Variants in TRPS1 observed in about 807,000 individuals in gnomAD.
TRPS1 encodes transcriptional repressor GATA binding 1, also known as zinc finger transcription factor Trps1.
TRPS1 carries 6 observed loss-of-function variants against 101.2 expected under a neutral mutation model. That is an observed-to-expected ratio of 0.06 (90% confidence interval 0.03 to 0.12). The LOEUF (loss-of-function observed/expected upper bound fraction) is 0.12, where lower values mean the gene tolerates loss of function less well. Among genes scored for constraint, TRPS1 ranks in the 10% least tolerant of loss-of-function variants. TRPS1 has a pLI of 1.00. For synonymous variants in TRPS1, 578 were observed against 589.8 expected (o/e 0.98, Z 0.29); for missense variants, 1,363 against 1,567.0 (o/e 0.87, Z 2.20).
intron 5 of TRPS1, among the ~76,000 whole-genome samples, chr8:115,559,791 G>A (rs1299025752): frequency 6.6e-6 from 1 of 152,064 alleles, no homozygotes; most frequent in African/African-American, 2.4e-5. Context: ...CCCTTGAAAT[G>A]CACTTTCCCC....
At chr8:115,491,802 C>T (rs574669612) in intron 5 of TRPS1, among the ~76,000 whole-genome samples, 1 of 152,256 alleles carries the variant, frequency 6.6e-6, no homozygotes, top group South Asian at 2.1e-4. Flanking sequence ...GGAATCATTA[C>T]ACAATGATAA....
At chr8:115,420,181 T>C (rs1352000321) in intron 5 of TRPS1, among the ~76,000 whole-genome samples, 1 of 152,166 alleles carries the variant, frequency 6.6e-6, no homozygotes, top group Non-Finnish European at 1.5e-5. Flanking sequence ...GGACCAGGAA[T>C]GTATCATGAG....
intron 1 of TRPS1, among the ~76,000 whole-genome samples, chr8:115,653,657 CA>C (rs1259848576): frequency 2.6e-5 from 4 of 151,146 alleles, no homozygotes; most frequent in Admixed American, 6.6e-5. Context: ...ATTAAAGAAA[CA>C]AAACAACCAA....
intron 5 of TRPS1, among the ~76,000 whole-genome samples, chr8:115,522,248 T>C (rs548220002): frequency 1.3e-5 from 2 of 152,096 alleles, no homozygotes; most frequent in Admixed American, 1.3e-4. Flanking sequence ...GTAATATCAA[T>C]GAGTATGACA....
chr8:115,657,593 T>A (rs996621353), intron 1 of TRPS1, among the ~76,000 whole-genome samples: 5 of 152,134 alleles, frequency 3.3e-5, no homozygotes, highest in African/African-American at 1.2e-4. Flanking sequence ...AGTATTCTTC[T>A]GCCCTAAATC....
intron 5 of TRPS1, among the ~76,000 whole-genome samples, chr8:115,556,012 C>T (rs1405336969): frequency 4.0e-5 from 6 of 151,800 alleles, no homozygotes. Context: ...ACGACAGAGA[C>T]TTTGTCTGAA....
At chr8:115,458,286 G>A (rs531432046) in intron 5 of TRPS1, among the ~76,000 whole-genome samples, 1 of 152,078 alleles carries the variant, frequency 6.6e-6, no homozygotes, top group South Asian at 2.1e-4. Flanking sequence ...TTGTAAATGG[G>A]GTATGGTATA....
At chr8:115,416,166 A>G (rs1377078096) in intron 6 of TRPS1, among the ~76,000 whole-genome samples, 2 of 152,084 alleles carry the variant, frequency 1.3e-5, no homozygotes. Flanking sequence ...GTAAGTGCTA[A>G]CTTTCATTCA....
intron 3 of TRPS1, among the ~76,000 whole-genome samples, chr8:115,605,671 A>G (rs545935314): frequency 1.3e-4 from 19 of 151,556 alleles, no homozygotes; most frequent in Admixed American, 1.2e-3. Flanking sequence ...TAGAACAAAC[A>G]AAAAAAAAGA....
intron 4 of TRPS1, among the ~76,000 whole-genome samples, chr8:115,598,951 T>C (rs1053814134): frequency 2.6e-5 from 4 of 152,208 alleles, no homozygotes; most frequent in Non-Finnish European, 4.4e-5. Context: ...TTTATTCCTA[T>C]ACATCATCCT....
At chr8:115,544,299 T>C (rs1168189580) in intron 5 of TRPS1, among the ~76,000 whole-genome samples, 2 of 151,850 alleles carry the variant, frequency 1.3e-5, no homozygotes, top group East Asian at 1.9e-4. Context: ...ATCTATCTCA[T>C]AGCATTACTA....
At chr8:115,551,264 A>G (rs1044092778) in intron 5 of TRPS1, among the ~76,000 whole-genome samples, 1 of 152,236 alleles carries the variant, frequency 6.6e-6, no homozygotes, top group African/African-American at 2.4e-5. Flanking sequence ...AGCCTACCTA[A>G]GGCAAATTTC....
intron 5 of TRPS1, among the ~76,000 whole-genome samples, chr8:115,566,225 C>G (rs986737160): frequency 6.6e-6 from 1 of 152,078 alleles, no homozygotes; most frequent in African/African-American, 2.4e-5. Flanking sequence ...TCTGGACAAC[C>G]CCCCAGTCTA....
chr8:115,474,897 G>T (rs1814562437), intron 5 of TRPS1, among the ~76,000 whole-genome samples: 1 of 152,034 alleles, frequency 6.6e-6, no homozygotes, highest in Admixed American at 6.5e-5. Flanking sequence ...CCATGATGGT[G>T]CAGGCTTCTC....
chr8:115,418,594 T>G lies in TRPS1; in HGVS notation c.2701-142A>C, dbSNP rs903361118. 8.0e-6 allele frequency: 9 copies of G among 1,122,880 alleles called. No individual in the cohort carries two copies. In the Admixed American group the frequency reaches 1.7e-4, roughly 22 times the overall value. The allele number at this position is 1,122,880 out of a possible 1,614,324, so 69.6% of individuals were successfully genotyped here. ...CTGCCCATAATGAGGTCAGGTTCAA[T>G]TGTGTTTAATAGGCACCACTGATTT... is the stretch of plus-strand genomic sequence containing the variant. On this transcript the variant is annotated intron_variant, in intron 5 of 6. Transcript: ENST00000395715. This position sits in a 1 kb window ranked among gnomAD's most constrained non-coding sequence, Gnocchi z 4.3.
At chr8:115,459,707 GTAGT>G (rs1459774298) in intron 5 of TRPS1, among the ~76,000 whole-genome samples, 2 of 152,134 alleles carry the variant, frequency 1.3e-5, no homozygotes, top group African/African-American at 4.8e-5. Flanking sequence ...TTCTTTTAAT[GTAGT>G]TAGTTACACT....
intron 5 of TRPS1, among the ~76,000 whole-genome samples, chr8:115,425,276 C>T (rs1052096843): frequency 2.0e-5 from 3 of 152,178 alleles, no homozygotes; most frequent in African/African-American, 7.2e-5. Flanking sequence ...GTCCTCTTTG[C>T]CCTCAGATTT....
In TRPS1 at chr8:115,414,443, C is replaced by A; in HGVS notation, c.3465G>T (p.Val1155=). The change falls in exon 7 of 7, where the codon GTG becomes GTT. Residue 1155 remains valine, a synonymous_variant. Transcript: ENST00000395715. This position sits in a 1 kb window ranked among gnomAD's most constrained non-coding sequence, Gnocchi z 4.8. Reference sequence around the variant, plus strand: ...GAGGCAGATTGAAGGTGGGATAAGGCACATAGTTTTGGCAAGGATTTGGTA... The same window carrying A: ...GAGGCAGATTGAAGGTGGGATAAGGAACATAGTTTTGGCAAGGATTTGGTA... ...PGLPNPCQNY[V]PYPTFNLPPH... 6.2e-7 allele frequency: 1 copy of A among 1,613,930 alleles called. No homozygotes were observed. Among genetic ancestry groups the A allele is most frequent in the Non-Finnish European group, 8.5e-7 (1 of 1,179,954 alleles).
chr8:115,501,806 C>T (rs535887186), intron 5 of TRPS1, among the ~76,000 whole-genome samples: 1 of 152,052 alleles, frequency 6.6e-6, no homozygotes, highest in Non-Finnish European at 1.5e-5. Context: ...TCTATGAAAC[C>T]CACCCCTATC....
Sources: allele counts gnomAD v4.1 joint callset (sites outside exome capture counted in the v4.1 genomes callset), GRCh38; gene constraint gnomAD v4.1.1; non-coding constraint Gnocchi (gnomAD v3.1); transcripts MANE v1.5; gene names NCBI Gene and HGNC (gene_info 2026-07-23, HGNC 2026-07-21).